PPP2R1A: variants seen among roughly 807,000 people sequenced by gnomAD.
PPP2R1A encodes serine/threonine-protein phosphatase 2A 65 kDa regulatory subunit A alpha isoform.
Under a neutral mutation model 67.1 loss-of-function variants are expected in PPP2R1A, and 15 were observed. That is an observed-to-expected ratio of 0.22 (90% CI 0.15 to 0.34). The LOEUF (loss-of-function observed/expected upper bound fraction) is 0.34. PPP2R1A is among the 10% of genes least tolerant of loss of function. The pLI is 1.00. For missense variants in PPP2R1A, 369 were observed against 775.0 expected (o/e 0.48, Z 6.22); for synonymous variants, 337 against 325.0 (o/e 1.04, Z -0.40).
intron 3 of PPP2R1A, among the ~76,000 whole-genome samples, chr19:52,206,696 C>T (rs1414374944): frequency 1.3e-5 from 2 of 152,132 alleles, no homozygotes; most frequent in Admixed American, 1.3e-4. Flanking sequence ...CACTGCCTGC[C>T]TGTGTGTCCC....
At chr19:52,190,897 AGGCTGGGGCTGG>A (rs1426610834) in intron 1 of PPP2R1A, 2 of 152,460 alleles carry the variant, frequency 1.3e-5, no homozygotes, top group Non-Finnish European at 2.9e-5. Flanking sequence ...TGTGTCGCCC[AGGCTGGGGCTGG>A]GGAGCAGTGG....
intron 13 of PPP2R1A, among the ~76,000 whole-genome samples, chr19:52,224,673 A>ATTGG (rs1307708405): frequency 6.6e-6 from 1 of 152,010 alleles, no homozygotes; most frequent in Non-Finnish European, 1.5e-5. Context: ...CCTTTAAGTA[A>ATTGG]TTGGTTGGTT....
intron 7 of PPP2R1A, 27 bp downstream of exon 7, chr19:52,215,920 A>G: frequency 6.2e-7 from 1 of 1,612,686 alleles, no homozygotes; most frequent in Non-Finnish European, 8.5e-7. Context: ...GGAACACAGC[A>G]AGTGGGGTGG....
At chr19:52,208,555 A>G (rs937726036) in intron 3 of PPP2R1A, among the ~76,000 whole-genome samples, 3 of 151,812 alleles carry the variant, frequency 2.0e-5, no homozygotes, top group African/African-American at 7.3e-5. Context: ...GCTGGAGTGC[A>G]GTGTTGTAAT....
chr19:52,209,342 C>T (rs960940586), intron 3 of PPP2R1A, among the ~76,000 whole-genome samples: 1 of 152,156 alleles, frequency 6.6e-6, no homozygotes, highest in Non-Finnish European at 1.5e-5. Context: ...TCACACCGCA[C>T]CTATGGTCAC....
In PPP2R1A at chr19:52,211,568, G is replaced by C. The variant is rs2089671162; in HGVS notation, c.503+76G>C. ...TTCTCTAAAGCCTCAGACTCCTTTT[G>C]GTCTAGCTGGGGCCCAAATGCCCCT... On this transcript the variant is annotated intron_variant, in intron 4 of 14. Coordinates refer to ENST00000322088, the MANE Select transcript of PPP2R1A (RefSeq NM_014225.6). This position sits in a 1 kb window ranked among gnomAD's most constrained non-coding sequence, Gnocchi z 5.3. 1.2e-5 allele frequency: 17 copies of C among 1,456,304 alleles called. No homozygotes were observed. The highest frequency in any genetic ancestry group is 1.5e-5 in the Non-Finnish European group (16 of 1,080,540). 90.2% of individuals were successfully genotyped at this position (1,456,304 alleles called of 1,614,324 possible).
At chr19:52,197,984 C>T (rs760118598) in intron 1 of PPP2R1A, among the ~76,000 whole-genome samples, 2 of 152,200 alleles carry the variant, frequency 1.3e-5, no homozygotes, top group African/African-American at 4.8e-5. Flanking sequence ...CCAGCTGCCA[C>T]GATGTCCTTC....
chr19:52,200,890 T>C (rs147106089), intron 1 of PPP2R1A, among the ~76,000 whole-genome samples: 1,896 of 151,768 alleles, frequency 0.012, 41 homozygotes, highest in African/African-American at 0.043. Context: ...AGGATGATAT[T>C]ATCTGGACAC....
At chr19:52,194,015 A>T (rs2089476537) in intron 1 of PPP2R1A, among the ~76,000 whole-genome samples, 1 of 134,272 alleles carries the variant, frequency 7.4e-6, no homozygotes, top group East Asian at 2.5e-4. Flanking sequence ...CAGGAGACTG[A>T]GGTCGGAGGA....
chr19:52,202,569 T>G (rs2089561145), intron 2 of PPP2R1A, among the ~76,000 whole-genome samples: 1 of 152,204 alleles, frequency 6.6e-6, no homozygotes, highest in African/African-American at 2.4e-5. Context: ...CAGGTAATAC[T>G]GCTGTCCCCA....
chr19:52,204,554 G>C (rs1339640688), intron 2 of PPP2R1A, among the ~76,000 whole-genome samples: 10 of 152,196 alleles, frequency 6.6e-5, no homozygotes, highest in Non-Finnish European at 1.0e-4. Context: ...GCAGTTCCCA[G>C]GTGTTTGGCC....
chr19:52,220,905 G>A (rs2122364144), intron 11 of PPP2R1A, 74 bp from the exon 12 acceptor site: 15 of 1,539,650 alleles, frequency 9.7e-6, no homozygotes, highest in Non-Finnish European at 1.3e-5. Context: ...GCCATGGTGA[G>A]TGTGACCTAC....
chr19:52,191,344 C>G (rs936316102), intron 1 of PPP2R1A: 5 of 152,204 alleles, frequency 3.3e-5, no homozygotes, highest in African/African-American at 1.2e-4. Context: ...CCTGGTCTTG[C>G]TGGAGGGACT....
intron 1 of PPP2R1A, among the ~76,000 whole-genome samples, chr19:52,193,025 C>G (rs1031150000): frequency 3.9e-5 from 6 of 152,194 alleles, no homozygotes; most frequent in Non-Finnish European, 8.8e-5. Flanking sequence ...AAACCATCTG[C>G]GTAACAAATT....
rs759187339 is a variant in PPP2R1A, at chr19:52,211,421, C to A, written c.432C>A (p.Arg144=). 6.2e-7 allele frequency: 1 copy of A among 1,613,842 alleles called. No homozygotes were observed. The highest frequency in any genetic ancestry group is 2.2e-5 in the East Asian group (1 of 44,900). ...CGGGCGGCGACTGGTTCACCTCCCG[C>A]ACCTCGGCCTGCGGCCTCTTCTCCG... The part of the protein sequence containing the change: ...RLAGGDWFTS[R]TSACGLFSVC... The change falls in exon 4 of 15, where the codon CGC becomes CGA. Residue 144 remains arginine (R), a synonymous_variant. Coordinates refer to ENST00000322088, the MANE Select transcript of PPP2R1A (RefSeq NM_014225.6). The surrounding 1 kb of genome is among the most constrained non-coding windows in gnomAD (Gnocchi z 5.3).
Position 52,228,821 on chromosome 19 carries a change from C to G in PPP2R1A, c.*2840C>G, listed in dbSNP as rs1979406188. 2 of 152,302 alleles carry G rather than the reference C, an allele frequency of 1.3e-5. No homozygotes were observed. The highest frequency in any genetic ancestry group is 2.9e-5 in the Non-Finnish European group (2 of 68,122). 9.4% of individuals were successfully genotyped at this position (152,302 alleles called of 1,614,324 possible). A position where few individuals can be genotyped will look rare whatever the true frequency, so the allele number is the denominator to read the frequency against. ...TTTGCCAACAGCCTCTTCACTGACC[C>G]CTTCCTTCCACTGCATTGACCCAGA... On this transcript the variant is annotated 3_prime_UTR_variant, in exon 15 of 15. Coordinates refer to ENST00000322088, the MANE Select transcript of PPP2R1A (RefSeq NM_014225.6).
intron 2 of PPP2R1A, among the ~76,000 whole-genome samples, chr19:52,205,223 G>A (rs1348221194): frequency 6.6e-6 from 1 of 152,200 alleles, no homozygotes; most frequent in Non-Finnish European, 1.5e-5. Context: ...GAGATCAGCA[G>A]TTCCCACTGC....
intron 13 of PPP2R1A, among the ~76,000 whole-genome samples, chr19:52,223,064 A>T (rs1418586656): frequency 6.6e-6 from 1 of 152,230 alleles, no homozygotes; most frequent in East Asian, 1.9e-4. Context: ...ATTAAAATAG[A>T]TGTGAACACA....
intron 1 of PPP2R1A, 51 bp downstream of exon 1, chr19:52,190,225 C>A: frequency 1.3e-6 from 2 of 1,530,484 alleles, no homozygotes; most frequent in South Asian, 1.2e-5. Context: ...TACCTGGGGG[C>A]ACGGGCGGCC....
Sources: allele counts gnomAD v4.1 joint callset (sites outside exome capture counted in the v4.1 genomes callset), GRCh38; gene constraint gnomAD v4.1.1; non-coding constraint Gnocchi (gnomAD v3.1); transcripts MANE v1.5; gene names NCBI Gene and HGNC (gene_info 2026-07-23, HGNC 2026-07-21).